The following ARFGEF3 variants were observed in gnomAD, a reference collection of about 807,000 sequenced individuals.
ARFGEF3 encodes the protein brefeldin A-inhibited guanine nucleotide-exchange protein 3.
ARFGEF3 carries 96 observed loss-of-function variants against 221.7 expected under a neutral mutation model. That is an observed-to-expected ratio of 0.43 (90% CI 0.37 to 0.51). The LOEUF (loss-of-function observed/expected upper bound fraction) is 0.51. Ranked by LOEUF, ARFGEF3 falls within the 20% of genes least tolerant of loss-of-function variation. ARFGEF3 has a pLI of 0.00. For synonymous variants in ARFGEF3, 1,145 were observed against 1,126.8 expected, an observed-to-expected ratio of 1.02 and a Z score of -0.32; for missense variants, 2,410 against 2,789.9, an observed-to-expected ratio of 0.86 and a Z score of 3.07.
chr6:138,275,198 C>T (rs1015726729), intron 12 of ARFGEF3, among the ~76,000 whole-genome samples: 1 of 152,010 alleles, frequency 6.6e-6, no homozygotes, highest in Non-Finnish European at 1.5e-5. Context: ...TGGTAGAAAA[C>T]GTCTTGAGGC....
rs11336345 is a variant in ARFGEF3, at chr6:138,204,339, C to CAA, written c.138-2679_138-2678dup. 9.5e-3 allele frequency among the ~76,000 whole-genome samples: 573 copies of CAA among 60,056 alleles called. 7 individuals carry two copies. Among genetic ancestry groups the CAA allele is most frequent in the African/African-American group, 0.017 (332 of 19,124 alleles). The allele number at this position is 60,056 out of a possible 152,430, so 39.4% of individuals were successfully genotyped here. ...GGCAACAGGAATGAAACTCCATCTC[C>CAA]AAAAAAAAAAAAAAAAAAAAAAAAA... On this transcript the variant is annotated intron_variant, in intron 2 of 33. Transcript: ENST00000251691.
At chr6:138,306,968 A>G (rs1047126436) in intron 22 of ARFGEF3, among the ~76,000 whole-genome samples, 64 of 151,756 alleles carry the variant, frequency 4.2e-4, no homozygotes, top group East Asian at 7.7e-4. Flanking sequence ...AAAAAAAAAA[A>G]AAAGAAAATA....
intron 33 of ARFGEF3, 51 bp downstream of exon 33, chr6:138,335,239 T>G (rs558248466): frequency 5.4e-5 from 80 of 1,474,542 alleles, no homozygotes; most frequent in Non-Finnish European, 7.0e-5. Flanking sequence ...TTTCCAGTAC[T>G]GGATGGGCCC....
intron 29 of ARFGEF3, among the ~76,000 whole-genome samples, chr6:138,322,891 G>A (rs1780059189): frequency 6.6e-6 from 1 of 151,834 alleles, no homozygotes; most frequent in African/African-American, 2.4e-5. Flanking sequence ...CAGGCACATG[G>A]GAGGGCGGGT....
At chr6:138,251,444 C>A (rs142723814) in intron 8 of ARFGEF3, among the ~76,000 whole-genome samples, 1 of 152,288 alleles carries the variant, frequency 6.6e-6, no homozygotes, top group African/African-American at 2.4e-5. Flanking sequence ...TTAAATATGG[C>A]TTACAATTGA....
At position 138,291,458 on chromosome 6, in the gene ARFGEF3, G is replaced by A. The variant is rs566731988; in HGVS notation, c.3048-275G>A. 1.3e-3 allele frequency among the ~76,000 whole-genome samples: 193 copies of A among 152,248 alleles called. 1 individual carries two copies. Among genetic ancestry groups the A allele is most frequent in the Non-Finnish European group, 5.9e-5 (4 of 68,028 alleles). ...TGAGGCAGGGGGACTGGATGAACTG[G>A]GCTTCATTGCCCGTCTTTCTCCCAG... On this transcript the variant is annotated intron_variant, in intron 18 of 33. Transcript: ENST00000251691. This position sits in a 1 kb window ranked among gnomAD's most constrained non-coding sequence, Gnocchi z 4.5.
intron 8 of ARFGEF3, among the ~76,000 whole-genome samples, chr6:138,250,394 C>T (rs1392101860): frequency 6.6e-6 from 1 of 152,230 alleles, no homozygotes; most frequent in Non-Finnish European, 1.5e-5. Context: ...TTTCCCACCA[C>T]TCTTTCCCTG....
At chr6:138,205,297 T>C (rs917719933) in intron 2 of ARFGEF3, among the ~76,000 whole-genome samples, 2 of 152,178 alleles carry the variant, frequency 1.3e-5, no homozygotes, top group Non-Finnish European at 2.9e-5. Context: ...GTAAGACTTT[T>C]GGACCCCCAT....
chr6:138,249,307 T>C (rs1372773412), intron 8 of ARFGEF3, among the ~76,000 whole-genome samples: 3 of 152,160 alleles, frequency 2.0e-5, no homozygotes, highest in Non-Finnish European at 4.4e-5. Flanking sequence ...GACTTAAGAA[T>C]AGGTATTTTG....
chr6:138,262,420 G>A (rs2114589411), intron 11 of ARFGEF3, among the ~76,000 whole-genome samples: 1 of 152,242 alleles, frequency 6.6e-6, no homozygotes, highest in South Asian at 2.1e-4. Context: ...TCAAACTCCT[G>A]ACCTCAAGTG....
intron 1 of ARFGEF3, among the ~76,000 whole-genome samples, chr6:138,165,464 T>C (rs1471943497): frequency 2.7e-5 from 4 of 149,788 alleles, no homozygotes; most frequent in Non-Finnish European, 4.4e-5. Flanking sequence ...CATTCCCCAC[T>C]GAGACCCTCA....
chr6:138,319,598 C>A, intron 27 of ARFGEF3, 105 bp from the exon 28 acceptor site: 1 of 775,416 alleles, frequency 1.3e-6, no homozygotes, highest in Non-Finnish European at 2.0e-6. Context: ...CCTGCACTTT[C>A]TCAGCAAATG....
intron 26 of ARFGEF3, among the ~76,000 whole-genome samples, chr6:138,314,429 A>G (rs1779883137): frequency 6.6e-6 from 1 of 152,034 alleles, no homozygotes; most frequent in Non-Finnish European, 1.5e-5. Context: ...ATAGCATTCC[A>G]CTCTGGCCCC....
chr6:138,238,095 A>T (rs1778320007), intron 5 of ARFGEF3, among the ~76,000 whole-genome samples: 1 of 152,240 alleles, frequency 6.6e-6, no homozygotes, highest in Admixed American at 6.5e-5. Flanking sequence ...TTCATAGAGC[A>T]GGAGAAAGCG....
intron 20 of ARFGEF3, among the ~76,000 whole-genome samples, chr6:138,294,488 C>T (rs187620584): frequency 7.0e-4 from 106 of 152,334 alleles, no homozygotes; most frequent in African/African-American, 2.5e-3. Context: ...CACCACACAC[C>T]TCTGTCCAGC....
At chr6:138,318,197 G>A (rs1779960567) in intron 27 of ARFGEF3, among the ~76,000 whole-genome samples, 1 of 152,004 alleles carries the variant, frequency 6.6e-6, no homozygotes. Flanking sequence ...AAAGTTAAAA[G>A]CCTTCCATCA....
rs2114704733 is a variant in ARFGEF3, at chr6:138,337,287, T to C, written c.*801T>C. 1 of 152,738 alleles carries C rather than the reference T, an allele frequency of 6.5e-6. No homozygotes were observed. The highest frequency in any genetic ancestry group is 6.5e-5 in the Admixed American group (1 of 15,304). 9.5% of individuals were successfully genotyped at this position (152,738 alleles called of 1,614,324 possible). On this transcript the variant is annotated 3_prime_UTR_variant, in exon 34 of 34. Coordinates refer to ENST00000251691, the MANE Select transcript of ARFGEF3 (RefSeq NM_020340.5). ...CGACCAGCCACCCTGGCTGTTCTTG[T>C]GGTGTTTGTTTCCATCCCCAAGGCA... is the stretch of plus-strand genomic sequence containing the variant.
intron 33 of ARFGEF3, among the ~76,000 whole-genome samples, chr6:138,336,066 G>A (rs73776904): frequency 0.014 from 2,116 of 152,234 alleles, 55 homozygotes; most frequent in African/African-American, 0.048. Context: ...GTTTGTGAAA[G>A]CTGAAAATAA....
intron 1 of ARFGEF3, among the ~76,000 whole-genome samples, chr6:138,167,573 C>T (rs1366995402): frequency 6.6e-6 from 1 of 152,146 alleles, no homozygotes; most frequent in Non-Finnish European, 1.5e-5. Flanking sequence ...CTAGAGTCAT[C>T]CTTGATACAT....
Sources: gnomAD v4.1 joint callset for allele counts (sites outside exome capture counted in the v4.1 genomes callset) on GRCh38, gnomAD v4.1.1 for gene constraint, Gnocchi (gnomAD v3.1) non-coding constraint, MANE v1.5 for transcripts, NCBI Gene and HGNC (gene_info 2026-07-23, HGNC 2026-07-21) for gene names.